Variants in PAQR5 observed in about 807,000 individuals in gnomAD.
PAQR5 encodes the protein progestin and adipoQ receptor family member 5, also known as membrane progestin receptor gamma.
A neutral mutation model predicts 34.5 loss-of-function variants in PAQR5; 20 were observed. The ratio of observed to expected loss-of-function variants is 0.58; its 90% CI spans 0.41 to 0.84. The LOEUF (loss-of-function observed/expected upper bound fraction) is 0.84, where lower values mean the gene tolerates loss of function less well. Ranked by LOEUF, PAQR5 falls within the 40% of genes least tolerant of loss-of-function variation. The probability of loss-of-function intolerance (pLI) is 0.00; values close to 1 mark genes in which losing one functional copy is unlikely to be tolerated. For missense variants in PAQR5, 378 were observed against 412.7 expected, an observed-to-expected ratio of 0.92 and a Z score of 0.73; for synonymous variants, 131 against 155.6, an observed-to-expected ratio of 0.84 and a Z score of 1.18.
At chr15:69,376,893 G>A (rs2055722132) in intron 3 of PAQR5, among the ~76,000 whole-genome samples, 1 of 152,142 alleles carries the variant, frequency 6.6e-6, no homozygotes, top group African/African-American at 2.4e-5. Flanking sequence ...TCCACAGAGA[G>A]AAGGGAAGTA....
In PAQR5 at chr15:69,300,940, T is replaced by C. The variant is rs61036207; in HGVS notation, c.-277+1884T>C. ...TTCTCTCTCTCTCTCTCTCTCTCTC[T>C]TTCTTTCCTTCTTTCTTTCTTTCTT... On this transcript the variant is annotated intron_variant, in intron 1 of 8. Transcript: ENST00000395407. Among the ~76,000 whole-genome samples, 46 of 35,562 alleles carry C rather than the reference T, an allele frequency of 1.3e-3. 10 individuals are homozygous for C. Among genetic ancestry groups the C allele is most frequent in the African/African-American group, 3.5e-3 (43 of 12,182 alleles). 23.3% of individuals were successfully genotyped at this position (35,562 alleles called of 152,430 possible). A position where few individuals can be genotyped will look rare whatever the true frequency, so the allele number is the denominator to read the frequency against.
rs2140291398 is a variant in PAQR5, at chr15:69,407,406, G to A, written c.*3584G>A. ...AGGCTCCCAAAGTGCTGGGATTACA[G>A]GCATGAGCCACACTGCACCCAGTCC... On this transcript the variant is annotated 3_prime_UTR_variant, in exon 9 of 9. Transcript: ENST00000395407. 1 of 152,358 alleles carries A rather than the reference G, an allele frequency of 6.6e-6. No homozygotes were observed. Among genetic ancestry groups the A allele is most frequent in the Non-Finnish European group, 1.5e-5 (1 of 68,064 alleles). 9.4% of individuals were successfully genotyped at this position (152,358 alleles called of 1,614,324 possible). A position where few individuals can be genotyped will look rare whatever the true frequency, so the allele number is the denominator to read the frequency against.
intron 1 of PAQR5, among the ~76,000 whole-genome samples, chr15:69,320,573 A>AT (rs1397032494): frequency 6.6e-6 from 1 of 152,210 alleles, no homozygotes; most frequent in African/African-American, 2.4e-5. Context: ...ACAAAAAGGT[A>AT]TTTAAAAAAT....
rs778576640 is a variant in PAQR5 at position 69,403,739 on chromosome 15, A to G, written c.910A>G (p.Ile304Val). 1 of 1,614,142 alleles carries G rather than the reference A, an allele frequency of 6.2e-7. No individual in the cohort carries two copies. Among genetic ancestry groups the G allele is most frequent in the South Asian group, 1.1e-5 (1 of 91,078 alleles). Reference sequence around the variant, plus strand: ...AGCTGGAGCCATACTTCTGTGCATCATCTTCAGCCTCAGCAACATAATTTA... The same window carrying G: ...AGCTGGAGCCATACTTCTGTGCATCGTCTTCAGCCTCAGCAACATAATTTA... ...QIAGAILLCI[I>V]FSLSNIIYFS... Residue 304 changes from isoleucine (I) to valine (V), a missense_variant, in exon 9 of 9, where the codon ATC (isoleucine) becomes GTC (valine). Ile to Val is a conservative substitution (Grantham distance 29). Coordinates refer to ENST00000395407, the MANE Select transcript of PAQR5 (RefSeq NM_017705.4).
chr15:69,359,821 G>T, intron 2 of PAQR5, 145 bp from the exon 3 acceptor site: 1 of 442,874 alleles, frequency 2.3e-6, no homozygotes, highest in Non-Finnish European at 4.1e-6. Flanking sequence ...TCAGCAGTCT[G>T]ATCATTTTGC....
chr15:69,334,260 C>T (rs1002877799), intron 1 of PAQR5, among the ~76,000 whole-genome samples: 3 of 152,166 alleles, frequency 2.0e-5, no homozygotes, highest in Admixed American at 6.5e-5. Flanking sequence ...GAGCTCTTGA[C>T]CTCGTGATCC....
chr15:69,328,462 G>C (rs577163400), intron 1 of PAQR5, among the ~76,000 whole-genome samples: 3 of 152,346 alleles, frequency 2.0e-5, no homozygotes, highest in African/African-American at 7.2e-5. Context: ...TCAGGGAGGA[G>C]GAGGGCAGCA....
At chr15:69,378,458 A>AAAAGAG (rs1337532462) in intron 3 of PAQR5, among the ~76,000 whole-genome samples, 41 of 143,820 alleles carry the variant, frequency 2.9e-4, no homozygotes, top group African/African-American at 1.1e-3. Flanking sequence ...AAAAAAAAAA[A>AAAAGAG]AGAGAGAGAG....
chr15:69,371,977 T>A (rs1224373162), intron 3 of PAQR5, among the ~76,000 whole-genome samples: 1 of 152,158 alleles, frequency 6.6e-6, no homozygotes, highest in East Asian at 1.9e-4. Context: ...ACAGCATGGA[T>A]TTGTTATTCT....
At chr15:69,318,846 C>T (rs1254173749) in intron 1 of PAQR5, among the ~76,000 whole-genome samples, 3 of 151,700 alleles carry the variant, frequency 2.0e-5, no homozygotes, top group Admixed American at 6.6e-5. Context: ...AAAAGTTATA[C>T]GATGCCAGGT....
intron 3 of PAQR5, among the ~76,000 whole-genome samples, chr15:69,368,193 C>T (rs1294225336): frequency 5.9e-5 from 9 of 151,392 alleles, no homozygotes; most frequent in African/African-American, 2.2e-4. Context: ...AGCTGGATTA[C>T]GGGCATGCAC....
chr15:69,351,128 G>A (rs1217284407), intron 2 of PAQR5, among the ~76,000 whole-genome samples: 1 of 152,198 alleles, frequency 6.6e-6, no homozygotes, highest in East Asian at 1.9e-4. Flanking sequence ...TGTGAAGGGA[G>A]GGCTATTATG....
rs2056081970 is a variant in PAQR5 at position 69,385,537 on chromosome 15, C to T, written c.385+655C>T. Reference sequence around the variant, plus strand: ...AATTCGGTGCTGACCGCCCCCTCTTCCTTGTCTTTTTCTTTGACTATGATG... The same window carrying T: ...AATTCGGTGCTGACCGCCCCCTCTTTCTTGTCTTTTTCTTTGACTATGATG... On this transcript the variant is annotated intron_variant, in intron 5 of 8. Transcript: ENST00000395407. The surrounding 1 kb of genome is among the most constrained non-coding windows in gnomAD (Gnocchi z 4.7). 6.6e-6 allele frequency among the ~76,000 whole-genome samples: 1 copy of T among 152,162 alleles called. No individual in the cohort carries two copies. Among genetic ancestry groups the T allele is most frequent in the Non-Finnish European group, 1.5e-5 (1 of 68,024 alleles).
At chr15:69,308,916 G>A (rs2053772841) in intron 1 of PAQR5, among the ~76,000 whole-genome samples, 1 of 152,118 alleles carries the variant, frequency 6.6e-6, no homozygotes, top group Non-Finnish European at 1.5e-5. Context: ...ATCTTCCAGA[G>A]GGAACACTCT....
intron 4 of PAQR5, among the ~76,000 whole-genome samples, chr15:69,383,363 C>CCTCCG (rs1595920458): frequency 9.3e-4 from 130 of 139,842 alleles, no homozygotes; most frequent in South Asian, 1.8e-3. Context: ...GTGAGTGGGC[C>CCTCCG]TTTGTGTACA....
chr15:69,329,348 C>T (rs2054325501), intron 1 of PAQR5, among the ~76,000 whole-genome samples: 2 of 150,454 alleles, frequency 1.3e-5, no homozygotes, highest in Admixed American at 1.3e-4. Context: ...TTATCGGAGG[C>T]TGGGAAGGAG....
intron 4 of PAQR5, among the ~76,000 whole-genome samples, chr15:69,380,793 C>A (rs1053498626): frequency 3.3e-5 from 5 of 152,186 alleles, no homozygotes; most frequent in African/African-American, 1.2e-4. Flanking sequence ...CACCACTGGT[C>A]GATGTAGACA....
At chr15:69,320,857 C>A (rs1028928566) in intron 1 of PAQR5, among the ~76,000 whole-genome samples, 2 of 152,144 alleles carry the variant, frequency 1.3e-5, no homozygotes, top group African/African-American at 4.8e-5. Flanking sequence ...CACAAGTATG[C>A]TTTTTTTCCC....
chr15:69,342,092 G>C (rs2054658333), intron 2 of PAQR5, among the ~76,000 whole-genome samples: 1 of 152,068 alleles, frequency 6.6e-6, no homozygotes, highest in Admixed American at 6.6e-5. Context: ...AAATGCATTA[G>C]TTTCTATTTC....
Sources: gnomAD v4.1 joint callset for allele counts (sites outside exome capture counted in the v4.1 genomes callset) on GRCh38, gnomAD v4.1.1 for gene constraint, Gnocchi (gnomAD v3.1) non-coding constraint, MANE v1.5 for transcripts, NCBI Gene and HGNC (gene_info 2026-07-23, HGNC 2026-07-21) for gene names.